The following SYNPR variants were observed in gnomAD, a reference collection of about 807,000 sequenced individuals.
SYNPR encodes synaptoporin.
SYNPR carries 23 observed loss-of-function variants against 32.9 expected under a neutral mutation model. The ratio of observed to expected loss-of-function variants is 0.70; its 90% CI spans 0.50 to 0.99. The LOEUF (loss-of-function observed/expected upper bound fraction) is 0.99. Among genes scored for constraint, SYNPR ranks in the 50% least tolerant of loss-of-function variants. The probability of loss-of-function intolerance (pLI) is 0.00; values close to 1 mark genes in which losing one functional copy is unlikely to be tolerated. For synonymous variants in SYNPR, 146 were observed against 135.9 expected, an observed-to-expected ratio of 1.07 and a Z score of -0.52; for missense variants, 318 against 349.3, an observed-to-expected ratio of 0.91 and a Z score of 0.71.
intron 2 of SYNPR, among the ~76,000 whole-genome samples, chr3:63,331,963 G>A (rs1031166979): frequency 2.0e-5 from 3 of 152,038 alleles, no homozygotes; most frequent in African/African-American, 7.2e-5. Context: ...GAAAATGATG[G>A]GATTAAAAAC....
At chr3:63,481,924 G>C (rs1381757268) in intron 3 of SYNPR, among the ~76,000 whole-genome samples, 1 of 152,186 alleles carries the variant, frequency 6.6e-6, no homozygotes, top group Non-Finnish European at 1.5e-5. Context: ...GGCTTCTACA[G>C]TGATTTCCCA....
chr3:63,560,759 C>T (rs778334534), intron 4 of SYNPR, among the ~76,000 whole-genome samples: 1 of 152,092 alleles, frequency 6.6e-6, no homozygotes. Context: ...CTTATAAAAC[C>T]GTCAGATCTC....
intron 2 of SYNPR, among the ~76,000 whole-genome samples, chr3:63,299,723 C>G (rs2086824500): frequency 6.6e-6 from 1 of 152,118 alleles, no homozygotes. Context: ...AACCAAATGA[C>G]ATTGATACTA....
At chr3:63,435,755 A>C (rs1211343639) in intron 2 of SYNPR, among the ~76,000 whole-genome samples, 2 of 152,252 alleles carry the variant, frequency 1.3e-5, no homozygotes, top group African/African-American at 4.8e-5. Context: ...ATATACACAA[A>C]TTTCATCAAA....
chr3:63,468,507 A>ACACT (rs1700730219), intron 2 of SYNPR, among the ~76,000 whole-genome samples: 1 of 151,984 alleles, frequency 6.6e-6, no homozygotes, highest in African/African-American at 2.4e-5. Flanking sequence ...ACACACACAC[A>ACACT]CACACACAAA....
chr3:63,564,689 G>T (rs1187790599), intron 4 of SYNPR, among the ~76,000 whole-genome samples: 1 of 152,110 alleles, frequency 6.6e-6, no homozygotes, highest in African/African-American at 2.4e-5. Context: ...AATTTTCCCG[G>T]TGTGCTTTCT....
intron 2 of SYNPR, among the ~76,000 whole-genome samples, chr3:63,425,461 AC>A (rs1699875732): frequency 6.6e-6 from 1 of 152,214 alleles, no homozygotes; most frequent in Non-Finnish European, 1.5e-5. Context: ...AAGGTGGTTT[AC>A]AGTCCCAGGA....
At chr3:63,489,539 T>C (rs1216524714) in intron 3 of SYNPR, among the ~76,000 whole-genome samples, 3 of 152,196 alleles carry the variant, frequency 2.0e-5, no homozygotes, top group Non-Finnish European at 2.9e-5. Context: ...CCATTCTGTA[T>C]AATTTAATTA....
chr3:63,258,650 C>A (rs1376129835), intron 2 of SYNPR, among the ~76,000 whole-genome samples: 1 of 151,912 alleles, frequency 6.6e-6, no homozygotes, highest in Non-Finnish European at 1.5e-5. Flanking sequence ...CCTAACATCA[C>A]AATTAAAAGA....
intron 4 of SYNPR, among the ~76,000 whole-genome samples, chr3:63,564,304 C>A (rs1201080066): frequency 6.6e-6 from 1 of 151,252 alleles, no homozygotes; most frequent in African/African-American, 2.4e-5. Flanking sequence ...TCAAGCCATT[C>A]TCCTGCCTCA....
chr3:63,490,747 G>C (rs1360269816), intron 3 of SYNPR, among the ~76,000 whole-genome samples: 2 of 152,080 alleles, frequency 1.3e-5, no homozygotes, highest in East Asian at 1.9e-4. Context: ...GGACCCACTA[G>C]GTTTTTTGTT....
At chr3:63,550,587 AT>A (rs1559533765) in intron 3 of SYNPR, among the ~76,000 whole-genome samples, 1 of 152,106 alleles carries the variant, frequency 6.6e-6, no homozygotes, top group Non-Finnish European at 1.5e-5. Context: ...CTGACTGCAT[AT>A]TTTTAAAAAT....
intron 2 of SYNPR, among the ~76,000 whole-genome samples, chr3:63,333,422 T>A (rs1170267254): frequency 6.6e-6 from 1 of 151,950 alleles, no homozygotes; most frequent in Admixed American, 6.6e-5. Context: ...CAGGGGGAAT[T>A]TCTTTCTGTT....
chr3:63,226,289 A>G (rs1444231220), upstream of SYNPR, among the ~76,000 whole-genome samples: 1 of 152,224 alleles, frequency 6.6e-6, no homozygotes, highest in African/African-American at 2.4e-5. Context: ...GAAAAACAGT[A>G]TAGTGATTTA....
chr3:63,579,034 G>A (rs1703043064), intron 4 of SYNPR, among the ~76,000 whole-genome samples: 1 of 152,054 alleles, frequency 6.6e-6, no homozygotes, highest in Non-Finnish European at 1.5e-5. Context: ...GAGTCCAGCT[G>A]CCACTTCCCT....
chr3:63,479,561 A>T (rs747537902), intron 2 of SYNPR, among the ~76,000 whole-genome samples: 1 of 152,178 alleles, frequency 6.6e-6, no homozygotes, highest in African/African-American at 2.4e-5. Context: ...TAAATGGCCA[A>T]TTGAGACAAA....
chr3:63,309,110 T>C (rs1168429942), intron 2 of SYNPR, among the ~76,000 whole-genome samples: 1 of 152,028 alleles, frequency 6.6e-6, no homozygotes, highest in Non-Finnish European at 1.5e-5. Flanking sequence ...TCTTTTCTTC[T>C]ACACTTCTAA....
At chr3:63,437,705 G>A (rs190610810) in intron 2 of SYNPR, among the ~76,000 whole-genome samples, 1 of 152,212 alleles carries the variant, frequency 6.6e-6, no homozygotes, top group African/African-American at 2.4e-5. Flanking sequence ...AGAGAAAGAA[G>A]CTGTAAGTAT....
intron 4 of SYNPR, among the ~76,000 whole-genome samples, chr3:63,579,806 C>T (rs1007030686): frequency 9.2e-5 from 14 of 151,646 alleles, no homozygotes; most frequent in African/African-American, 3.1e-4. Flanking sequence ...CACACACACA[C>T]ACACACACAC....
Sources: allele counts gnomAD v4.1 joint callset (sites outside exome capture counted in the v4.1 genomes callset), GRCh38; gene constraint gnomAD v4.1.1; transcripts MANE v1.5; gene names NCBI Gene and HGNC (gene_info 2026-07-23, HGNC 2026-07-21).